The following KCNMA1 variants were observed in gnomAD, a reference collection of about 807,000 sequenced individuals.
The protein encoded by KCNMA1 is potassium calcium-activated channel subfamily M alpha 1, also known as Calcium-activated potassium channel subunit alpha-1.
A neutral mutation model predicts 140.0 loss-of-function variants in KCNMA1; 29 were observed. That is an observed-to-expected ratio of 0.21 (90% CI 0.15 to 0.28). The LOEUF is 0.28. KCNMA1 is among the 10% of genes least tolerant of loss of function. The pLI is 1.00. For synonymous variants in KCNMA1, 612 were observed against 611.9 expected, an observed-to-expected ratio of 1.00 and a Z score of 0.00; for missense variants, 880 against 1,602.2, an observed-to-expected ratio of 0.55 and a Z score of 7.70.
intron 5 of KCNMA1, among the ~76,000 whole-genome samples, chr10:77,156,255 A>G (rs1402517915): frequency 1.4e-5 from 2 of 141,978 alleles, no homozygotes; most frequent in East Asian, 2.0e-4. Context: ...AAAAAAAAAA[A>G]GTTAAATGAA....
chr10:77,156,753 G>A (rs753402705), intron 5 of KCNMA1, among the ~76,000 whole-genome samples: 3 of 152,198 alleles, frequency 2.0e-5, no homozygotes, highest in Non-Finnish European at 2.9e-5. Flanking sequence ...CCTGGGAGAT[G>A]TTTTTCAGAC....
Position 77,503,863 on chromosome 10 carries a change from T to C in KCNMA1, c.379-99840A>G, listed in dbSNP as rs570647084. 5.3e-5 allele frequency among the ~76,000 whole-genome samples: 8 copies of C among 152,284 alleles called. No homozygotes were observed. The South Asian group carries it at 1.7e-3, about 32-fold the overall frequency. On this transcript the variant is annotated intron_variant, in intron 1 of 27. Transcript: ENST00000286628. Reference sequence around the variant, plus strand: ...GGTCCCCACCATATTAGCAACAAGGTATCAAGTGCCAAACACTGTGCGACA... The same window carrying C: ...GGTCCCCACCATATTAGCAACAAGGCATCAAGTGCCAAACACTGTGCGACA...
chr10:77,577,680 G>A (rs1388976248), intron 1 of KCNMA1, among the ~76,000 whole-genome samples: 1 of 152,122 alleles, frequency 6.6e-6, no homozygotes. Flanking sequence ...GATTTCCATT[G>A]TGCAGATGGG....
chr10:77,109,624 A>G (rs759600681), intron 8 of KCNMA1, among the ~76,000 whole-genome samples: 3 of 152,206 alleles, frequency 2.0e-5, no homozygotes, highest in Non-Finnish European at 4.4e-5. Context: ...GCTGTTTGCA[A>G]AACTGCACTC....
At chr10:77,628,031 C>T (rs1041976320) in intron 1 of KCNMA1, among the ~76,000 whole-genome samples, 4 of 151,552 alleles carry the variant, frequency 2.6e-5, no homozygotes, top group Admixed American at 1.3e-4. Flanking sequence ...CCCCAGTTCA[C>T]TCCCAAAGAT....
At chr10:77,208,257 T>C (rs2044805187) in intron 3 of KCNMA1, among the ~76,000 whole-genome samples, 2 of 152,254 alleles carry the variant, frequency 1.3e-5, no homozygotes, top group Non-Finnish European at 2.9e-5. Context: ...TTTGCTCAAA[T>C]GCCCAATGTA....
intron 1 of KCNMA1, among the ~76,000 whole-genome samples, chr10:77,619,520 G>A (rs2090732377): frequency 6.6e-6 from 1 of 152,088 alleles, no homozygotes; most frequent in Non-Finnish European, 1.5e-5. Flanking sequence ...GCAACCCATG[G>A]ATTACAGGGG....
rs978027450 is a variant in KCNMA1 at position 77,157,628 on chromosome 10, G to A, written c.808+25793C>T. 9.9e-5 allele frequency among the ~76,000 whole-genome samples: 15 copies of A among 152,042 alleles called. 1 individual carries two copies. The highest frequency in any genetic ancestry group is 1.8e-4 in the Non-Finnish European group (12 of 68,008). On this transcript the variant is annotated intron_variant, in intron 5 of 27. Coordinates refer to ENST00000286628, the MANE Select transcript of KCNMA1 (RefSeq NM_001161352.2). ...ATGAAATAAACTCCTCTTCACGCTG[G>A]AGCAAAATAAGAGCACTCTTATCTT...
chr10:77,186,604 T>TG (rs899202141), intron 3 of KCNMA1, among the ~76,000 whole-genome samples: 1 of 152,086 alleles, frequency 6.6e-6, no homozygotes, highest in Non-Finnish European at 1.5e-5. Context: ...TCTCAGGCCA[T>TG]GGGGGTGCTT....
intron 2 of KCNMA1, among the ~76,000 whole-genome samples, chr10:77,359,741 G>A (rs1300831227): frequency 6.6e-6 from 1 of 152,212 alleles, no homozygotes; most frequent in Non-Finnish European, 1.5e-5. Flanking sequence ...GGAGATGGGA[G>A]CTCTGGGGGT....
At chr10:77,209,368 T>C (rs2045239911) in intron 3 of KCNMA1, among the ~76,000 whole-genome samples, 1 of 152,144 alleles carries the variant, frequency 6.6e-6, no homozygotes. Flanking sequence ...AGAAAAACAA[T>C]AGAGTATGAC....
intron 3 of KCNMA1, among the ~76,000 whole-genome samples, chr10:77,200,130 T>G (rs1261409205): frequency 6.6e-6 from 1 of 152,066 alleles, no homozygotes; most frequent in Non-Finnish European, 1.5e-5. Context: ...TTTGTATTTT[T>G]GGTAGAGATA....
intron 3 of KCNMA1, among the ~76,000 whole-genome samples, chr10:77,189,887 A>T (rs557245583): frequency 6.6e-6 from 1 of 152,278 alleles, no homozygotes; most frequent in South Asian, 2.1e-4. Flanking sequence ...TAAAAATGTC[A>T]TTCATCCACC....
intron 23 of KCNMA1, among the ~76,000 whole-genome samples, chr10:76,923,354 G>T (rs796114657): frequency 6.6e-6 from 1 of 151,768 alleles, no homozygotes; most frequent in Non-Finnish European, 1.5e-5. Context: ...GCCTGAACCC[G>T]GGAGGCAGAG....
intron 1 of KCNMA1, among the ~76,000 whole-genome samples, chr10:77,561,682 A>G (rs2066446725): frequency 6.6e-6 from 1 of 152,196 alleles, no homozygotes. Context: ...TGACCTTCAC[A>G]AGGGGCACCA....
chr10:77,619,509 A>T (rs2090730960), intron 1 of KCNMA1, among the ~76,000 whole-genome samples: 1 of 152,128 alleles, frequency 6.6e-6, no homozygotes, highest in Non-Finnish European at 1.5e-5. Context: ...ATGGGTTACA[A>T]GCAACCCATG....
chr10:77,273,527 G>A (rs527380576), intron 2 of KCNMA1, among the ~76,000 whole-genome samples: 2 of 152,244 alleles, frequency 1.3e-5, no homozygotes, highest in East Asian at 3.9e-4. Context: ...ACCTGAAAAG[G>A]TTTGTGGAAT....
chr10:76,954,218 T>C (rs1473134336), intron 20 of KCNMA1, among the ~76,000 whole-genome samples: 2 of 151,890 alleles, frequency 1.3e-5, no homozygotes, highest in Non-Finnish European at 2.9e-5. Context: ...TTTTTAAGGC[T>C]ACCTCACTCC....
intron 1 of KCNMA1, among the ~76,000 whole-genome samples, chr10:77,412,458 G>A (rs1425711924): frequency 6.6e-6 from 1 of 152,172 alleles, no homozygotes; most frequent in Non-Finnish European, 1.5e-5. Flanking sequence ...AATGCAGAAG[G>A]GCTCCTTCTC....
Sources: allele counts gnomAD v4.1 joint callset (sites outside exome capture counted in the v4.1 genomes callset), GRCh38; gene constraint gnomAD v4.1.1; transcripts MANE v1.5; gene names NCBI Gene and HGNC (gene_info 2026-07-23, HGNC 2026-07-21).